DCC: variants seen among roughly 807,000 people sequenced by gnomAD.
The protein encoded by DCC is DCC netrin 1 receptor.
Under a neutral mutation model 172.5 loss-of-function variants are expected in DCC, and 58 were observed. The ratio of observed to expected loss-of-function variants is 0.34; its 90% CI spans 0.27 to 0.42. DCC has a LOEUF of 0.42. Ranked by LOEUF, DCC falls within the 10% of genes least tolerant of loss-of-function variation. The pLI is 1.00. For missense variants in DCC, 1,740 were observed against 1,791.0 expected, an observed-to-expected ratio of 0.97 and a Z score of 0.51; for synonymous variants, 709 against 644.5, an observed-to-expected ratio of 1.10 and a Z score of -1.52.
rs778669948 is a variant in DCC at position 53,450,486 on chromosome 18, C to T, written c.3230-14C>T. The T allele has an allele frequency of 1.4e-5, 22 of 1,613,586 alleles. No individual in the cohort carries two copies. In the East Asian group the frequency reaches 4.7e-4, roughly 34 times the overall value. ...CTTCCTAAACCTGAACTCCATTTTCCTGTCTTTTCCCAGAGCCGCCAATTG... is the reference window on the plus strand; with the variant it reads ...CTTCCTAAACCTGAACTCCATTTTCTTGTCTTTTCCCAGAGCCGCCAATTG... On this transcript the variant is annotated splice_polypyrimidine_tract_variant and intron_variant, in intron 22 of 28. Coordinates refer to ENST00000442544, the MANE Select transcript of DCC (RefSeq NM_005215.4).
At chr18:53,363,390 C>T (rs2057969213) in intron 15 of DCC, among the ~76,000 whole-genome samples, 1 of 152,108 alleles carries the variant, frequency 6.6e-6, no homozygotes, top group African/African-American at 2.4e-5. Context: ...ACAATATTAA[C>T]TAGTTTCCAA....
chr18:52,895,572 C>T lies in DCC; in HGVS notation c.413-10472C>T, dbSNP rs1011166101. Among the ~76,000 whole-genome samples, 28 of 151,988 alleles carry T rather than the reference C, an allele frequency of 1.8e-4. 1 individual carries two copies. The highest frequency in any genetic ancestry group is 1.9e-4 in the East Asian group (1 of 5,192). On this transcript the variant is annotated intron_variant, in intron 2 of 28. Transcript: ENST00000442544. Reference sequence around the variant, plus strand: ...AGAAAAAAATGAGCAATATAATTTTCGCTCATTTAAAAAAAGTTTATTAAC... The same window carrying T: ...AGAAAAAAATGAGCAATATAATTTTTGCTCATTTAAAAAAAGTTTATTAAC...
chr18:52,384,671 C>T (rs985152689), intron 1 of DCC, among the ~76,000 whole-genome samples: 1 of 152,116 alleles, frequency 6.6e-6, no homozygotes, highest in African/African-American at 2.4e-5. Flanking sequence ...GTTACCAAGT[C>T]GTCTTTTTTA....
chr18:52,463,254 T>G (rs1988686010), intron 1 of DCC, among the ~76,000 whole-genome samples: 1 of 152,114 alleles, frequency 6.6e-6, no homozygotes, highest in South Asian at 2.1e-4. Flanking sequence ...CCATATTATC[T>G]AGTAGCTTCC....
chr18:52,950,020 C>T (rs947832086), intron 5 of DCC, among the ~76,000 whole-genome samples: 5 of 152,122 alleles, frequency 3.3e-5, no homozygotes, highest in African/African-American at 4.8e-5. Context: ...CTGCTAGGTA[C>T]CAGGGGCATG....
intron 25 of DCC, among the ~76,000 whole-genome samples, chr18:53,475,636 T>G (rs534331349): frequency 1.3e-5 from 2 of 152,214 alleles, no homozygotes; most frequent in East Asian, 3.9e-4. Context: ...AGAGGATATA[T>G]GGAAATGCCT....
chr18:53,205,403 G>T, intron 10 of DCC, 39 bp downstream of exon 10: 1 of 1,606,722 alleles, frequency 6.2e-7, no homozygotes, highest in Non-Finnish European at 8.5e-7. Flanking sequence ...CCATCTGTTG[G>T]ATGTTTCCAT....
intron 15 of DCC, among the ~76,000 whole-genome samples, chr18:53,362,709 C>T (rs1274724807): frequency 6.6e-6 from 1 of 151,984 alleles, no homozygotes; most frequent in African/African-American, 2.4e-5. Flanking sequence ...AATGTGAAGA[C>T]TATACTTTTG....
At chr18:52,594,497 C>T (rs1301801385) in intron 1 of DCC, among the ~76,000 whole-genome samples, 1 of 152,148 alleles carries the variant, frequency 6.6e-6, no homozygotes, top group African/African-American at 2.4e-5. Context: ...CCTCATTGTT[C>T]CATTTTTTGT....
chr18:52,834,306 A>C (rs1185437499), intron 2 of DCC, among the ~76,000 whole-genome samples: 4 of 152,242 alleles, frequency 2.6e-5, no homozygotes, highest in Non-Finnish European at 5.9e-5. Flanking sequence ...ACATTTAATA[A>C]GGATTGTAGT....
At chr18:53,455,120 C>T (rs1321973247) in intron 23 of DCC, among the ~76,000 whole-genome samples, 4 of 152,212 alleles carry the variant, frequency 2.6e-5, no homozygotes, top group African/African-American at 9.7e-5. Flanking sequence ...TTTATTCACA[C>T]TCACTTCAAG....
chr18:53,179,256 G>A (rs1360485196), intron 9 of DCC, 140 bp downstream of exon 9: 9 of 835,646 alleles, frequency 1.1e-5, no homozygotes, highest in East Asian at 2.7e-5. Context: ...TATATAACTC[G>A]AGGACTTTTA....
intron 2 of DCC, among the ~76,000 whole-genome samples, chr18:52,771,102 C>T (rs2037334975): frequency 6.6e-6 from 1 of 152,180 alleles, no homozygotes; most frequent in African/African-American, 2.4e-5. Flanking sequence ...GGTTTACGTT[C>T]ATGCCTCACT....
At chr18:52,645,857 A>G (rs1008488502) in intron 1 of DCC, among the ~76,000 whole-genome samples, 2 of 152,220 alleles carry the variant, frequency 1.3e-5, no homozygotes, top group Admixed American at 1.3e-4. Context: ...TGGCTGTATC[A>G]GACTTTTCTG....
At chr18:53,405,555 T>C (rs1219616831) in intron 19 of DCC, among the ~76,000 whole-genome samples, 1 of 152,218 alleles carries the variant, frequency 6.6e-6, no homozygotes, top group African/African-American at 2.4e-5. Flanking sequence ...GAGGCTTTAC[T>C]AATGTGCTTT....
At chr18:52,986,024 T>G (rs2145612576) in intron 5 of DCC, among the ~76,000 whole-genome samples, 1 of 152,282 alleles carries the variant, frequency 6.6e-6, no homozygotes, top group South Asian at 2.1e-4. Context: ...TGTTATTTTC[T>G]CAAGGTTTTT....
intron 1 of DCC, among the ~76,000 whole-genome samples, chr18:52,555,962 G>A (rs558883293): frequency 2.6e-5 from 4 of 152,204 alleles, no homozygotes; most frequent in African/African-American, 9.6e-5. Context: ...TTGTGTGAAT[G>A]TTTGCTCTAA....
At chr18:52,924,439 C>T (rs1468991221) in intron 4 of DCC, among the ~76,000 whole-genome samples, 5 of 152,118 alleles carry the variant, frequency 3.3e-5, no homozygotes, top group Non-Finnish European at 7.4e-5. Context: ...TCAACTATAT[C>T]GCTCATATTC....
At chr18:52,482,809 T>C (rs2030023070) in intron 1 of DCC, among the ~76,000 whole-genome samples, 1 of 152,186 alleles carries the variant, frequency 6.6e-6, no homozygotes, top group Non-Finnish European at 1.5e-5. Flanking sequence ...TTGTGATCTC[T>C]CTTCACCTCC....
Sources: gnomAD v4.1 joint callset for allele counts (sites outside exome capture counted in the v4.1 genomes callset) on GRCh38, gnomAD v4.1.1 for gene constraint, MANE v1.5 for transcripts, NCBI Gene and HGNC (gene_info 2026-07-23, HGNC 2026-07-21) for gene names.